The following COL25A1 variants were observed in gnomAD, a reference collection of about 807,000 sequenced individuals.
COL25A1 encodes collagen alpha-1(XXV) chain.
In COL25A1, 103 loss-of-function variants were observed where a neutral mutation model predicts 128.4. The ratio of observed to expected loss-of-function variants is 0.80; its 90% confidence interval spans 0.68 to 0.94. The LOEUF is 0.94. Ranked by LOEUF, COL25A1 falls within the 40% of genes least tolerant of loss-of-function variation. The pLI, the probability that COL25A1 is intolerant of heterozygous loss-of-function variation, is 0.00. For synonymous variants in COL25A1, 279 were observed against 277.2 expected (o/e 1.01, Z -0.06); for missense variants, 745 against 840.0 (o/e 0.89, Z 1.40).
At chr4:109,009,495 A>C (rs79171839) in intron 6 of COL25A1, among the ~76,000 whole-genome samples, 2,391 of 152,328 alleles carry the variant, frequency 0.016, 54 homozygotes, top group East Asian at 0.13. Flanking sequence ...GAGGTGGAGT[A>C]CACAATAGAT....
chr4:109,207,038 C>T (rs1578437877), intron 3 of COL25A1, among the ~76,000 whole-genome samples: 1 of 152,112 alleles, frequency 6.6e-6, no homozygotes, highest in Admixed American at 6.6e-5. Context: ...AATTAAAAAG[C>T]CAAAATTGTA....
chr4:109,079,398 C>G (rs939030910), intron 3 of COL25A1, among the ~76,000 whole-genome samples: 6 of 152,128 alleles, frequency 3.9e-5, no homozygotes, highest in African/African-American at 1.4e-4. Context: ...TTTGAGCAAT[C>G]CTTCTGAATT....
intron 3 of COL25A1, among the ~76,000 whole-genome samples, chr4:109,192,165 C>G (rs1578400496): frequency 6.6e-6 from 1 of 152,140 alleles, no homozygotes; most frequent in East Asian, 1.9e-4. Flanking sequence ...GGAGCAGTGG[C>G]AGCCAATCCT....
At chr4:108,906,091 C>G (rs900846743) in intron 13 of COL25A1, among the ~76,000 whole-genome samples, 2 of 152,132 alleles carry the variant, frequency 1.3e-5, no homozygotes, top group Non-Finnish European at 2.9e-5. Flanking sequence ...AGGCATAGAG[C>G]TCCTTCACTC....
chr4:108,918,485 A>G (rs1488803550), intron 12 of COL25A1, among the ~76,000 whole-genome samples: 1 of 152,248 alleles, frequency 6.6e-6, no homozygotes. Context: ...GGTCATACCT[A>G]TCAGAGGGCC....
In COL25A1 at chr4:109,034,977, A is replaced by G. The variant is rs573392333; in HGVS notation, c.420+13191T>C. ...TGATGGATAAAGTCAAACAACATTT[A>G]TCTAATTTTGGTTATAGTTTAAAAG... On this transcript the variant is annotated intron_variant, in intron 5 of 37. Transcript: ENST00000399132. Among the ~76,000 whole-genome samples, 444 of 152,336 alleles carry G rather than the reference A, an allele frequency of 2.9e-3. 3 individuals carry two copies. The highest frequency in any genetic ancestry group is 0.01 in the African/African-American group (428 of 41,586).
chr4:109,150,426 G>T (rs1029585002), intron 3 of COL25A1, among the ~76,000 whole-genome samples: 1 of 152,094 alleles, frequency 6.6e-6, no homozygotes, highest in African/African-American at 2.4e-5. Context: ...AAGAAAATGG[G>T]AATTTATACA....
intron 6 of COL25A1, among the ~76,000 whole-genome samples, chr4:108,979,335 G>C (rs1208371735): frequency 6.6e-6 from 1 of 152,170 alleles, no homozygotes; most frequent in African/African-American, 2.4e-5. Context: ...AAAACAAAGA[G>C]AGGCACAATG....
chr4:109,175,810 A>G (rs1055053721), intron 3 of COL25A1, among the ~76,000 whole-genome samples: 1 of 152,208 alleles, frequency 6.6e-6, no homozygotes, highest in Non-Finnish European at 1.5e-5. Context: ...GTCTAGTTGT[A>G]ACTAATAAGA....
intron 32 of COL25A1, among the ~76,000 whole-genome samples, chr4:108,830,256 A>G (rs998439041): frequency 1.3e-5 from 2 of 152,230 alleles, no homozygotes; most frequent in African/African-American, 4.8e-5. Context: ...CAAATGAAGA[A>G]ATCAGCTAAG....
intron 14 of COL25A1, among the ~76,000 whole-genome samples, chr4:108,899,815 T>C (rs1483084707): frequency 1.3e-5 from 2 of 152,108 alleles, no homozygotes; most frequent in East Asian, 1.9e-4. Context: ...TTAGGAATGA[T>C]GTCCTTATTC....
chr4:109,124,852 T>C lies in COL25A1; in HGVS notation c.368-74673A>G, dbSNP rs188107485. Among the ~76,000 whole-genome samples, 287 of 152,142 alleles carry C rather than the reference T, an allele frequency of 1.9e-3. 1 individual carries two copies. Among genetic ancestry groups the C allele is most frequent in the African/African-American group, 6.5e-3 (272 of 41,552 alleles). ...GGGTAGAAAAACATATAGCAAGATA[T>C]AAAAATATATGTATATATTATCTCC... On this transcript the variant is annotated intron_variant, in intron 3 of 37. Transcript: ENST00000399132.
chr4:109,134,264 A>T (rs376156760), intron 3 of COL25A1, among the ~76,000 whole-genome samples: 1 of 151,582 alleles, frequency 6.6e-6, no homozygotes, highest in Non-Finnish European at 1.5e-5. Flanking sequence ...AGGTTTTTAT[A>T]GTAGATAATT....
rs576843249 is a variant in COL25A1, at chr4:108,891,940, T to A, written c.907-2207A>T. 3.3e-5 allele frequency among the ~76,000 whole-genome samples: 5 copies of A among 152,184 alleles called. No individual in the cohort carries two copies. The South Asian group carries it at 1.0e-3, about 32-fold the overall frequency. The stretch of plus-strand genomic sequence containing the variant: ...GACAGTTTCTTGAAAGGCCAATATA[T>A]TTGTGGAAATCTGAGCAGTTCCATT... On this transcript the variant is annotated intron_variant, in intron 16 of 37. Coordinates refer to ENST00000399132, the MANE Select transcript of COL25A1 (RefSeq NM_198721.4).
intron 3 of COL25A1, among the ~76,000 whole-genome samples, chr4:109,130,502 G>C (rs1228233622): frequency 6.6e-6 from 1 of 152,166 alleles, no homozygotes; most frequent in Admixed American, 6.5e-5. Context: ...ATTTCCAGGA[G>C]ATAGAAATCG....
intron 3 of COL25A1, among the ~76,000 whole-genome samples, chr4:109,250,046 G>A (rs1323851158): frequency 3.3e-5 from 5 of 152,052 alleles, no homozygotes; most frequent in Admixed American, 6.6e-5. Context: ...TAGTACTGGC[G>A]GTATGTTATG....
intron 3 of COL25A1, among the ~76,000 whole-genome samples, chr4:109,181,217 G>T (rs919997553): frequency 1.3e-5 from 2 of 152,094 alleles, no homozygotes; most frequent in African/African-American, 4.8e-5. Context: ...TTGGGGTGGG[G>T]TGGAGGAGAC....
intron 20 of COL25A1, among the ~76,000 whole-genome samples, chr4:108,864,695 G>A (rs1737672228): frequency 6.6e-6 from 1 of 152,172 alleles, no homozygotes; most frequent in Admixed American, 6.5e-5. Context: ...GATCCCTGGA[G>A]GTGAGACTTG....
chr4:109,027,371 A>G (rs1290320971), intron 5 of COL25A1, among the ~76,000 whole-genome samples: 2 of 152,154 alleles, frequency 1.3e-5, no homozygotes, highest in Non-Finnish European at 2.9e-5. Flanking sequence ...AGCAACTGAC[A>G]GTGCGTCTGG....
Sources: allele counts gnomAD v4.1 joint callset (sites outside exome capture counted in the v4.1 genomes callset), GRCh38; gene constraint gnomAD v4.1.1; transcripts MANE v1.5; gene names NCBI Gene and HGNC (gene_info 2026-07-23, HGNC 2026-07-21).